CSGALNACT1: variants seen among roughly 807,000 people sequenced by gnomAD.
The protein encoded by CSGALNACT1 is beta4GalNAcT-1.
Under a neutral mutation model 51.0 loss-of-function variants are expected in CSGALNACT1, and 52 were observed. The observed-to-expected ratio is 1.02, with a 90% CI of 0.82 to 1.29. The LOEUF is 1.29. Ranked by LOEUF, CSGALNACT1 falls within the 50% of genes most tolerant of loss-of-function variation. CSGALNACT1 has a pLI of 0.00. For synonymous variants in CSGALNACT1, 341 were observed against 254.4 expected (o/e 1.34, Z -3.24); for missense variants, 935 against 679.2 (o/e 1.38, Z -4.19).
At position 19,561,926 on chromosome 8, in the gene CSGALNACT1, C is replaced by T. The variant is rs187617896; in HGVS notation, c.-297+29234G>A. 2.1e-3 allele frequency among the ~76,000 whole-genome samples: 322 copies of T among 152,022 alleles called. 2 individuals are homozygous for T. Among genetic ancestry groups the T allele is most frequent in the South Asian group, 0.011 (53 of 4,780 alleles). On this transcript the variant is annotated intron_variant, in intron 3 of 9. Transcript: ENST00000454498. Reference sequence around the variant, plus strand: ...GGGGAGGGATTGCTATTTCAGCATGCGGCCTGATCATGCCTGCATTTCTCA... The same window carrying T: ...GGGGAGGGATTGCTATTTCAGCATGTGGCCTGATCATGCCTGCATTTCTCA...
chr8:19,456,543 T>C (rs571795224), intron 5 of CSGALNACT1, among the ~76,000 whole-genome samples: 38 of 152,228 alleles, frequency 2.5e-4, no homozygotes, highest in Non-Finnish European at 5.6e-4. Context: ...TCTGGAGATG[T>C]AATGTTTAAT....
intron 3 of CSGALNACT1, chr8:19,591,030 C>A (rs1419484435): frequency 1.3e-5 from 2 of 152,120 alleles, no homozygotes; most frequent in African/African-American, 2.4e-5. Flanking sequence ...CTAATGGCAC[C>A]GTGAACCAAG....
chr8:19,614,508 A>G (rs1025752036), intron 1 of CSGALNACT1, among the ~76,000 whole-genome samples: 2 of 152,226 alleles, frequency 1.3e-5, no homozygotes, highest in African/African-American at 4.8e-5. Flanking sequence ...AAGTACAATC[A>G]TCTTAAAGAT....
At chr8:19,661,220 T>C (rs73214684) in intron 1 of CSGALNACT1, among the ~76,000 whole-genome samples, 2,916 of 152,160 alleles carry the variant, frequency 0.019, 53 homozygotes, top group South Asian at 0.046. Context: ...AGGAGGACCA[T>C]TCAGTTCTGT....
At chr8:19,405,430 T>C (rs1386003601) in exon 10 of CSGALNACT1, 2 of 479,062 alleles carry the variant, frequency 4.2e-6, no homozygotes, top group Non-Finnish European at 8.2e-6. Context: ...ATGAATTTTT[T>C]ACAAAACTGC....
At chr8:19,510,520 G>A (rs922522928) in intron 3 of CSGALNACT1, among the ~76,000 whole-genome samples, 1 of 152,080 alleles carries the variant, frequency 6.6e-6, no homozygotes, top group African/African-American at 2.4e-5. Context: ...AAAGTTCCAG[G>A]AGATGAAAAG....
chr8:19,493,956 G>A (rs867232790), intron 4 of CSGALNACT1, among the ~76,000 whole-genome samples: 21 of 151,814 alleles, frequency 1.4e-4, no homozygotes, highest in African/African-American at 4.8e-4. Flanking sequence ...TTAACATTTT[G>A]AGAAACTGCC....
intron 6 of CSGALNACT1, among the ~76,000 whole-genome samples, chr8:19,424,994 G>T (rs749349440): frequency 6.6e-6 from 1 of 152,126 alleles, no homozygotes; most frequent in East Asian, 1.9e-4. Context: ...AGAATCTCAG[G>T]ACCCCAAACT....
intron 3 of CSGALNACT1, among the ~76,000 whole-genome samples, chr8:19,551,820 C>G (rs2088190531): frequency 1.3e-5 from 2 of 152,142 alleles, no homozygotes; most frequent in South Asian, 4.1e-4. Flanking sequence ...GAATTTATAT[C>G]TTATTTTTTA....
intron 3 of CSGALNACT1, among the ~76,000 whole-genome samples, chr8:19,538,289 C>T (rs906464995): frequency 2.0e-5 from 3 of 152,148 alleles, no homozygotes; most frequent in Non-Finnish European, 2.9e-5. Context: ...TATGATTGTA[C>T]TCCATCCTGT....
intron 1 of CSGALNACT1, among the ~76,000 whole-genome samples, chr8:19,754,943 C>T (rs2065263434): frequency 6.6e-6 from 1 of 152,028 alleles, no homozygotes; most frequent in Non-Finnish European, 1.5e-5. Context: ...CTCTATTAGC[C>T]CTAATATATA....
At chr8:19,670,229 T>A (rs1402121458) in intron 1 of CSGALNACT1, among the ~76,000 whole-genome samples, 1 of 152,156 alleles carries the variant, frequency 6.6e-6, no homozygotes, top group African/African-American at 2.4e-5. Flanking sequence ...TTAAATGACC[T>A]CCACAGTCTC....
intron 3 of CSGALNACT1, among the ~76,000 whole-genome samples, chr8:19,549,688 T>A (rs2087459348): frequency 6.8e-6 from 1 of 146,272 alleles, no homozygotes; most frequent in African/African-American, 2.6e-5. Flanking sequence ...TTTGGCGTAT[T>A]CACTCACCTT....
chr8:19,564,241 T>C (rs1173438065), intron 3 of CSGALNACT1, among the ~76,000 whole-genome samples: 2 of 152,200 alleles, frequency 1.3e-5, no homozygotes, highest in Admixed American at 6.5e-5. Context: ...ATCTACGTTT[T>C]CTACTTTTTC....
At chr8:19,705,426 C>T (rs1238241186) in intron 1 of CSGALNACT1, among the ~76,000 whole-genome samples, 1 of 152,132 alleles carries the variant, frequency 6.6e-6, no homozygotes, top group African/African-American at 2.4e-5. Flanking sequence ...AAAAGCTCAT[C>T]ATTTGAATTT....
At chr8:19,529,420 C>G (rs2082314272) in intron 3 of CSGALNACT1, among the ~76,000 whole-genome samples, 1 of 152,132 alleles carries the variant, frequency 6.6e-6, no homozygotes, top group South Asian at 2.1e-4. Flanking sequence ...TCCTGGAATC[C>G]TACTCAAGGC....
chr8:19,540,850 G>T lies in CSGALNACT1; in HGVS notation c.-296-34720C>A, dbSNP rs1158599586. On this transcript the variant is annotated intron_variant, in intron 3 of 9. Coordinates refer to ENST00000454498, the Ensembl canonical transcript of CSGALNACT1. The stretch of plus-strand genomic sequence containing the variant: ...AATCCCCATACATCCTTCAGTATCA[G>T]CATGGATGTCACCTGCCAGGATGAC... Among the ~76,000 whole-genome samples the T allele has an allele frequency of 3.9e-5, 6 of 152,192 alleles. No individual in the cohort carries two copies. In the East Asian group the frequency reaches 1.2e-3, roughly 29 times the overall value.
chr8:19,753,765 C>T (rs73592442), intron 1 of CSGALNACT1, among the ~76,000 whole-genome samples: 3 of 152,166 alleles, frequency 2.0e-5, no homozygotes, highest in Non-Finnish European at 2.9e-5. Flanking sequence ...CATTTACATA[C>T]AATATGGCAA....
chr8:19,530,734 A>G (rs2082611242), intron 3 of CSGALNACT1, among the ~76,000 whole-genome samples: 1 of 152,164 alleles, frequency 6.6e-6, no homozygotes, highest in African/African-American at 2.4e-5. Flanking sequence ...TTATCTCATA[A>G]AGGAATAGAA....
Sources: allele counts gnomAD v4.1 joint callset (sites outside exome capture counted in the v4.1 genomes callset), GRCh38; gene constraint gnomAD v4.1.1; transcripts MANE v1.5; gene names NCBI Gene and HGNC (gene_info 2026-07-23, HGNC 2026-07-21).